The following KLHL29 variants were observed in gnomAD, a reference collection of about 807,000 sequenced individuals.
KLHL29 encodes the protein kelch like family member 29.
Under a neutral mutation model 80.4 loss-of-function variants are expected in KLHL29, and 21 were observed. That is an observed-to-expected ratio of 0.26 (90% confidence interval 0.19 to 0.38). The LOEUF (loss-of-function observed/expected upper bound fraction) is 0.38, where lower values mean the gene tolerates loss of function less well. Among genes scored for constraint, KLHL29 ranks in the 10% least tolerant of loss-of-function variants. The pLI, the probability that KLHL29 is intolerant of heterozygous loss-of-function variation, is 1.00. For synonymous variants in KLHL29, 511 were observed against 526.8 expected (o/e 0.97, Z 0.41); for missense variants, 867 against 1,223.9 (o/e 0.71, Z 4.35).
intron 2 of KLHL29, among the ~76,000 whole-genome samples, chr2:23,476,985 C>G (rs980384666): frequency 2.1e-4 from 32 of 152,284 alleles, no homozygotes; most frequent in Non-Finnish European, 4.1e-4. Flanking sequence ...GGGACAGGAG[C>G]TGGGCCTGGA....
chr2:23,608,002 A>G lies in KLHL29; in HGVS notation c.286-31137A>G, dbSNP rs559108006. 1.3e-4 allele frequency among the ~76,000 whole-genome samples: 19 copies of G among 142,266 alleles called. 1 individual carries two copies. The South Asian group carries it at 4.2e-3, about 32-fold the overall frequency. 93.3% of individuals were successfully genotyped at this position (142,266 alleles called of 152,430 possible). On this transcript the variant is annotated intron_variant, in intron 3 of 13. Transcript: ENST00000486442. ...AGTCACTTTAGATTCTCTCACACTC[A>G]TCTCTTTCTAGGGACCCCGGAATTG... is the stretch of plus-strand genomic sequence containing the variant.
chr2:23,502,662 G>A (rs7563989), intron 2 of KLHL29, among the ~76,000 whole-genome samples: 2,073 of 152,348 alleles, frequency 0.014, 53 homozygotes, highest in African/African-American at 0.047. Context: ...GGCGCAGGCG[G>A]TCAGCAGGGA....
At position 23,696,496 on chromosome 2, in the gene KLHL29, C is replaced by T. The variant is rs1220810288; in HGVS notation, c.2088C>T (p.Asn696=). The T allele has an allele frequency of 1.9e-5, 29 of 1,531,678 alleles. No homozygotes were observed. The highest frequency in any genetic ancestry group is 8.0e-5 in the Admixed American group (4 of 49,876). 94.9% of individuals were successfully genotyped at this position (1,531,678 alleles called of 1,614,324 possible). Reference sequence around the variant, plus strand: ...TCGGGGGACTTGGCGTGGCAGGCAACGTGGACCACGTGGAGAGGTAATGAG... The same window carrying T: ...TCGGGGGACTTGGCGTGGCAGGCAATGTGGACCACGTGGAGAGGTAATGAG... ...YTLGGLGVAG[N]VDHVERYDTI... The change falls in exon 11 of 14, where the codon AAC becomes AAT. Residue 696 remains asparagine (N), a synonymous_variant. Coordinates refer to ENST00000486442, the MANE Select transcript of KLHL29 (RefSeq NM_052920.2). This position sits in a 1 kb window ranked among gnomAD's most constrained non-coding sequence, Gnocchi z 5.5.
intron 3 of KLHL29, among the ~76,000 whole-genome samples, chr2:23,633,169 G>A (rs1347824536): frequency 2.6e-5 from 4 of 152,166 alleles, no homozygotes; most frequent in Non-Finnish European, 4.4e-5. Flanking sequence ...ATGAAGGTCC[G>A]GGTACAGGGA....
intron 3 of KLHL29, among the ~76,000 whole-genome samples, chr2:23,602,849 A>C (rs2103524293): frequency 6.6e-6 from 1 of 152,312 alleles, no homozygotes; most frequent in East Asian, 1.9e-4. Flanking sequence ...ACTCAGGCCC[A>C]GCCCAGGGGA....
At chr2:23,516,660 T>TGAG (rs1665940828) in intron 2 of KLHL29, among the ~76,000 whole-genome samples, 2 of 152,078 alleles carry the variant, frequency 1.3e-5, no homozygotes, top group Non-Finnish European at 2.9e-5. Context: ...ACAGCTGACT[T>TGAG]CTTGGCAGAC....
chr2:23,389,706 G>GC (rs1482470959), intron 1 of KLHL29, among the ~76,000 whole-genome samples: 2 of 151,900 alleles, frequency 1.3e-5, no homozygotes, highest in African/African-American at 4.8e-5. Flanking sequence ...AAAAGGGGGG[G>GC]GCGGAATATA....
rs1668402722 is a variant in KLHL29 at position 23,596,752 on chromosome 2, A to G, written c.285+34271A>G. On this transcript the variant is annotated intron_variant, in intron 3 of 13. Transcript: ENST00000486442. The surrounding 1 kb of genome is among the most constrained non-coding windows in gnomAD (Gnocchi z 4.4). Reference sequence around the variant, plus strand: ...GGGGCAGAGCCATCTCTTACACACAACGGCGAAATTATTTTCTTCATCTCA... The same window carrying G: ...GGGGCAGAGCCATCTCTTACACACAGCGGCGAAATTATTTTCTTCATCTCA... Among the ~76,000 whole-genome samples, 1 of 152,150 alleles carries G rather than the reference A, an allele frequency of 6.6e-6. No individual in the cohort carries two copies. The highest frequency in any genetic ancestry group is 2.1e-4 in the South Asian group (1 of 4,826).
intron 2 of KLHL29, among the ~76,000 whole-genome samples, chr2:23,531,596 CAG>C (rs1363809947): frequency 3.9e-5 from 6 of 152,172 alleles, no homozygotes. Context: ...TCCCTAGAAC[CAG>C]AGTCACTTAT....
At chr2:23,392,763 A>G (rs7588652) in intron 1 of KLHL29, among the ~76,000 whole-genome samples, 34,641 of 151,966 alleles carry the variant, frequency 0.23, 4,142 homozygotes, top group African/African-American at 0.28. Flanking sequence ...GTGTGTGCAC[A>G]TGCGCCTATG....
chr2:23,592,472 G>A (rs904895199), intron 3 of KLHL29, among the ~76,000 whole-genome samples: 3 of 152,370 alleles, frequency 2.0e-5, no homozygotes, highest in African/African-American at 7.2e-5. Flanking sequence ...CAGGGACCTA[G>A]CAGTTGAGCT....
At chr2:23,556,665 A>C (rs1302505800) in intron 2 of KLHL29, among the ~76,000 whole-genome samples, 3 of 151,304 alleles carry the variant, frequency 2.0e-5, no homozygotes, top group South Asian at 4.2e-4. Flanking sequence ...AAAAAAAAAA[A>C]CAGAAAGACT....
chr2:23,530,823 C>T (rs573231632), intron 2 of KLHL29, among the ~76,000 whole-genome samples: 2 of 152,232 alleles, frequency 1.3e-5, no homozygotes, highest in African/African-American at 2.4e-5. Context: ...TGAATCTGCT[C>T]AGGAGAGTGG....
At chr2:23,468,557 C>A (rs959316531) in intron 1 of KLHL29, among the ~76,000 whole-genome samples, 1 of 152,206 alleles carries the variant, frequency 6.6e-6, no homozygotes, top group Non-Finnish European at 1.5e-5. Flanking sequence ...CCCTCCCCGC[C>A]GAGCATCAGC....
chr2:23,671,117 A>G (rs933989967), intron 5 of KLHL29, among the ~76,000 whole-genome samples: 5 of 150,380 alleles, frequency 3.3e-5, no homozygotes, highest in Non-Finnish European at 7.4e-5. Flanking sequence ...TGGGGTTTCC[A>G]TTTCATTTCC....
intron 11 of KLHL29, chr2:23,697,731 TGG>T (rs1672056991): frequency 6.6e-6 from 1 of 152,224 alleles, no homozygotes; most frequent in Non-Finnish European, 1.5e-5. Flanking sequence ...CTGGCAATCA[TGG>T]GCATTGCCAC....
chr2:23,537,541 T>A (rs1572386785), intron 2 of KLHL29, among the ~76,000 whole-genome samples: 2 of 150,606 alleles, frequency 1.3e-5, no homozygotes, highest in Non-Finnish European at 3.0e-5. Flanking sequence ...TTATGTCAGG[T>A]GCATTAGTGC....
At chr2:23,442,245 C>T (rs112091346) in intron 1 of KLHL29, among the ~76,000 whole-genome samples, 7,868 of 152,156 alleles carry the variant, frequency 0.052, 236 homozygotes, top group African/African-American at 0.075. Flanking sequence ...CTTGTGCCAC[C>T]ATGCCCAGCT....
intron 5 of KLHL29, among the ~76,000 whole-genome samples, chr2:23,674,899 G>A (rs1237595148): frequency 6.6e-5 from 10 of 151,954 alleles, no homozygotes; most frequent in Admixed American, 5.2e-4. Flanking sequence ...GCTCCCATCT[G>A]CCTTGGCCCT....
Sources: gnomAD v4.1 joint callset for allele counts (sites outside exome capture counted in the v4.1 genomes callset) on GRCh38, gnomAD v4.1.1 for gene constraint, Gnocchi (gnomAD v3.1) non-coding constraint, MANE v1.5 for transcripts, NCBI Gene and HGNC (gene_info 2026-07-23, HGNC 2026-07-21) for gene names.